PARD3: variants seen among roughly 807,000 people sequenced by gnomAD.
PARD3 encodes the protein par-3 family cell polarity regulator, also known as partitioning defective 3 homolog.
A neutral mutation model predicts 155.4 loss-of-function variants in PARD3; 75 were observed. The observed-to-expected ratio is 0.48, with a 90% CI of 0.40 to 0.58. PARD3 has a LOEUF of 0.58. PARD3 is among the 20% of genes least tolerant of loss of function. The pLI is 0.00. For missense variants in PARD3, 1,642 were observed against 1,721.7 expected (o/e 0.95, Z 0.82); for synonymous variants, 576 against 610.5 (o/e 0.94, Z 0.83).
At chr10:34,446,729 CACTT>C in intron 5 of PARD3, among the ~76,000 whole-genome samples, 1 of 152,260 alleles carries the variant, frequency 6.6e-6, no homozygotes, top group African/African-American at 2.4e-5. Flanking sequence ...TGTATGCTAA[CACTT>C]AATATATGAC....
In PARD3 at chr10:34,382,721, G is replaced by C; in HGVS notation, c.1218C>G (p.Pro406=). 2 of 1,614,158 alleles carry C rather than the reference G, an allele frequency of 1.2e-6. No homozygotes were observed. The highest frequency in any genetic ancestry group is 1.7e-6 in the Non-Finnish European group (2 of 1,180,030). Residue 406 remains proline, a synonymous_variant, in exon 9 of 25, where the codon CCC becomes CCG. Coordinates refer to ENST00000374788, the MANE Select transcript of PARD3 (RefSeq NM_001184785.2). ...TCTGCTCAGGCGGGTGGTTCAGTCG[G>C]GGTGCTCTCTGCACCGTGTGAAGCC... The part of the protein sequence containing the change: ...SAGLHTVQRA[P]RLNHPPEQID...
chr10:34,182,799 G>A (rs958792043), intron 22 of PARD3, among the ~76,000 whole-genome samples: 4 of 149,800 alleles, frequency 2.7e-5, no homozygotes, highest in Non-Finnish European at 5.9e-5. Context: ...TAACAGGCCC[G>A]ATTTAGTGAG....
At chr10:34,488,346 G>A (rs924782528) in intron 3 of PARD3, among the ~76,000 whole-genome samples, 2 of 151,688 alleles carry the variant, frequency 1.3e-5, no homozygotes, top group African/African-American at 2.4e-5. Flanking sequence ...TTGAGACAGA[G>A]TCTCGCTCTG....
intron 2 of PARD3, among the ~76,000 whole-genome samples, chr10:34,545,943 T>G (rs1170033187): frequency 1.3e-5 from 2 of 152,164 alleles, no homozygotes; most frequent in East Asian, 3.9e-4. Flanking sequence ...ACCAAAACAT[T>G]AACATAGTAT....
At chr10:34,269,271 C>T (rs1955496513) in intron 22 of PARD3, among the ~76,000 whole-genome samples, 1 of 152,056 alleles carries the variant, frequency 6.6e-6, no homozygotes, top group African/African-American at 2.4e-5. Flanking sequence ...ATAAGTGGAA[C>T]AAATCATGTC....
At chr10:34,710,703 T>A (rs1037942426) in intron 1 of PARD3, among the ~76,000 whole-genome samples, 34 of 152,176 alleles carry the variant, frequency 2.2e-4, no homozygotes, top group African/African-American at 8.0e-4. Context: ...ATTGTTCTGT[T>A]CACTGATAAA....
chr10:34,255,014 C>A (rs1169770345), intron 22 of PARD3, among the ~76,000 whole-genome samples: 1 of 152,194 alleles, frequency 6.6e-6, no homozygotes, highest in African/African-American at 2.4e-5. Context: ...TAACCTCAAT[C>A]AGCTTTAGTT....
intron 7 of PARD3, among the ~76,000 whole-genome samples, chr10:34,397,324 G>A (rs2132151712): frequency 6.6e-6 from 1 of 152,268 alleles, no homozygotes; most frequent in Non-Finnish European, 1.5e-5. Context: ...ACAGGTATTG[G>A]GGAATCACAA....
At chr10:34,653,379 T>C (rs1355030774) in intron 2 of PARD3, among the ~76,000 whole-genome samples, 1 of 152,090 alleles carries the variant, frequency 6.6e-6, no homozygotes, top group African/African-American at 2.4e-5. Context: ...CCAATAATAC[T>C]CTTTCCTCAG....
chr10:34,178,321 C>T (rs1454701394), intron 22 of PARD3, among the ~76,000 whole-genome samples: 1 of 152,126 alleles, frequency 6.6e-6, no homozygotes, highest in Non-Finnish European at 1.5e-5. Context: ...CTTTCAGCAA[C>T]AAAAGAAAAG....
intron 3 of PARD3, among the ~76,000 whole-genome samples, chr10:34,478,822 C>T (rs371060136): frequency 6.6e-6 from 1 of 152,002 alleles, no homozygotes. Flanking sequence ...GGATTACAGG[C>T]GTGAATATAT....
chr10:34,785,680 T>C (rs1840872568), intron 1 of PARD3, among the ~76,000 whole-genome samples: 1 of 152,086 alleles, frequency 6.6e-6, no homozygotes, highest in South Asian at 2.1e-4. Flanking sequence ...AAAGCTGCAG[T>C]GAGCAGAGAT....
intron 1 of PARD3, among the ~76,000 whole-genome samples, chr10:34,794,270 A>T (rs929430138): frequency 6.6e-6 from 1 of 152,162 alleles, no homozygotes; most frequent in African/African-American, 2.4e-5. Context: ...GAGGATGTAG[A>T]CTTTTTAATC....
At chr10:34,171,921 G>T in intron 22 of PARD3, among the ~76,000 whole-genome samples, 1 of 117,078 alleles carries the variant, frequency 8.5e-6, no homozygotes, top group East Asian at 2.8e-4. Context: ...CGGCATTCCA[G>T]CCTGGGTGAC....
intron 16 of PARD3, among the ~76,000 whole-genome samples, chr10:34,341,183 GAAAAAAAAAA>G (rs58274978): frequency 8.5e-6 from 1 of 117,346 alleles, no homozygotes; most frequent in Admixed American, 8.6e-5. Context: ...ATAGCACTCT[GAAAAAAAAAA>G]AAAAAAACAC....
intron 5 of PARD3, among the ~76,000 whole-genome samples, chr10:34,442,823 A>C (rs566901165): frequency 6.6e-6 from 1 of 152,186 alleles, no homozygotes; most frequent in Non-Finnish European, 1.5e-5. Flanking sequence ...GTGAGCTATG[A>C]CTGCACCACT....
At position 34,312,439 on chromosome 10, in the gene PARD3, A is replaced by G. The variant is rs150781437; in HGVS notation, c.3065+4668T>C. On this transcript the variant is annotated intron_variant, in intron 20 of 24. Coordinates refer to ENST00000374788, the MANE Select transcript of PARD3 (RefSeq NM_001184785.2). ...TAGTACAGGTGAGGAAAGCAACAAG[A>G]ATCTGTGTTTGTTCTTTTCTCAAAT... 5.2e-4 allele frequency: 826 copies of G among 1,578,554 alleles called. 3 individuals carry two copies. The African/African-American group carries it at 9.1e-3, about 17-fold the overall frequency.
intron 2 of PARD3, among the ~76,000 whole-genome samples, chr10:34,606,964 T>TAA (rs2090511818): frequency 3.3e-5 from 2 of 59,980 alleles, no homozygotes; most frequent in Non-Finnish European, 3.6e-5. Flanking sequence ...AGACTCTGTC[T>TAA]TAAAAAAAAA....
At chr10:34,202,748 C>T (rs1220168597) in intron 22 of PARD3, among the ~76,000 whole-genome samples, 1 of 152,150 alleles carries the variant, frequency 6.6e-6, no homozygotes, top group Non-Finnish European at 1.5e-5. Context: ...AGTTTATCTC[C>T]AATTTAATAA....
Sources: allele counts gnomAD v4.1 joint callset (sites outside exome capture counted in the v4.1 genomes callset), GRCh38; gene constraint gnomAD v4.1.1; transcripts MANE v1.5; gene names NCBI Gene and HGNC (gene_info 2026-07-23, HGNC 2026-07-21).